Variants in TMEM132B observed in about 807,000 individuals in gnomAD.
TMEM132B encodes transmembrane protein 132B.
In TMEM132B, 18 loss-of-function variants were observed where a neutral mutation model predicts 90.8. The observed-to-expected ratio is 0.20, with a 90% CI of 0.14 to 0.29. The LOEUF (loss-of-function observed/expected upper bound fraction) is 0.29, where lower values mean the gene tolerates loss of function less well. Among genes scored for constraint, TMEM132B ranks in the 10% least tolerant of loss-of-function variants. The probability of loss-of-function intolerance (pLI) is 1.00; values close to 1 mark genes in which losing one functional copy is unlikely to be tolerated. For synonymous variants in TMEM132B, 504 were observed against 523.3 expected, an observed-to-expected ratio of 0.96 and a Z score of 0.50; for missense variants, 1,096 against 1,326.8, an observed-to-expected ratio of 0.83 and a Z score of 2.70.
At chr12:125,371,375 A>G (rs1878287348) in intron 2 of TMEM132B, among the ~76,000 whole-genome samples, 1 of 152,182 alleles carries the variant, frequency 6.6e-6, no homozygotes. Context: ...AGCTGGGAAG[A>G]GACAGGGAGG....
chr12:125,218,007 A>G (rs7980011), intron 1 of TMEM132B, among the ~76,000 whole-genome samples: 7,602 of 152,274 alleles, frequency 0.05, 646 homozygotes, highest in African/African-American at 0.17. Flanking sequence ...GAGGCGGGCC[A>G]ATTTTAAGGG....
chr12:125,651,068 G>T (rs1021779890), intron 7 of TMEM132B, 115 bp downstream of exon 7: 3 of 1,363,584 alleles, frequency 2.2e-6, no homozygotes, highest in Admixed American at 4.1e-5. Context: ...GTATATCAAC[G>T]TGTGTCACTG....
intron 1 of TMEM132B, among the ~76,000 whole-genome samples, chr12:125,280,408 T>G (rs1593066672): frequency 6.6e-6 from 1 of 152,342 alleles, no homozygotes; most frequent in Middle Eastern, 3.4e-3. Flanking sequence ...ACTTAATTGG[T>G]CTTCGCCTTT....
At chr12:125,602,623 G>A (rs1040301207) in intron 5 of TMEM132B, among the ~76,000 whole-genome samples, 5 of 152,252 alleles carry the variant, frequency 3.3e-5, no homozygotes, top group African/African-American at 7.2e-5. Flanking sequence ...GGGCGATCAC[G>A]CAAAAGAAAG....
chr12:125,643,032 T>G (rs1410340444), intron 5 of TMEM132B, among the ~76,000 whole-genome samples: 1 of 152,186 alleles, frequency 6.6e-6, no homozygotes, highest in Non-Finnish European at 1.5e-5. Flanking sequence ...TCTGACATTG[T>G]TCTTGAGCCA....
intron 3 of TMEM132B, among the ~76,000 whole-genome samples, chr12:125,518,698 C>G (rs543959590): frequency 6.6e-6 from 1 of 152,214 alleles, no homozygotes; most frequent in African/African-American, 2.4e-5. Context: ...TCACACTAGT[C>G]TTTTTCAGTT....
At chr12:125,422,215 G>A (rs568864292) in intron 3 of TMEM132B, among the ~76,000 whole-genome samples, 2 of 152,166 alleles carry the variant, frequency 1.3e-5, no homozygotes, top group Non-Finnish European at 2.9e-5. Flanking sequence ...GATATGGAAC[G>A]TTATTATTAT....
At chr12:125,649,268 A>T (rs552692663) in intron 6 of TMEM132B, among the ~76,000 whole-genome samples, 14 of 152,332 alleles carry the variant, frequency 9.2e-5, no homozygotes, top group Admixed American at 2.6e-4. Context: ...CTGTATCCAG[A>T]CCTGCTAATT....
chr12:125,555,974 T>C (rs575711992), intron 4 of TMEM132B, among the ~76,000 whole-genome samples: 48 of 152,372 alleles, frequency 3.2e-4, no homozygotes, highest in Non-Finnish European at 5.9e-4. Context: ...AGCAACCTGC[T>C]GTCTTGGGTG....
At chr12:125,344,411 T>C (rs933620212) in intron 1 of TMEM132B, among the ~76,000 whole-genome samples, 19 of 152,198 alleles carry the variant, frequency 1.2e-4, no homozygotes, top group Admixed American at 2.6e-4. Context: ...TGTCACCTTT[T>C]GGGCTAGAGG....
intron 2 of TMEM132B, among the ~76,000 whole-genome samples, chr12:125,366,680 G>A (rs1412589183): frequency 6.6e-6 from 1 of 152,126 alleles, no homozygotes; most frequent in Non-Finnish European, 1.5e-5. Context: ...GGTTTGTTGT[G>A]TAGTTAAATT....
At chr12:125,326,222 G>A (rs76447649) in intron 1 of TMEM132B, among the ~76,000 whole-genome samples, 3,302 of 152,294 alleles carry the variant, frequency 0.022, 108 homozygotes, top group African/African-American at 0.073. Context: ...CTGGAGAGGC[G>A]ACCAACAAAT....
intron 2 of TMEM132B, among the ~76,000 whole-genome samples, chr12:125,366,450 A>G (rs1878136356): frequency 6.6e-6 from 1 of 152,104 alleles, no homozygotes; most frequent in African/African-American, 2.4e-5. Context: ...TCTTTTTGAT[A>G]GTGCCATTTT....
At chr12:125,289,203 A>G (rs565644956) in intron 1 of TMEM132B, among the ~76,000 whole-genome samples, 1 of 152,254 alleles carries the variant, frequency 6.6e-6, no homozygotes, top group South Asian at 2.1e-4. Context: ...TGCCAAAGGA[A>G]TCTGAAGTAT....
intron 4 of TMEM132B, among the ~76,000 whole-genome samples, chr12:125,525,099 G>A (rs796100359): frequency 5.3e-5 from 8 of 152,216 alleles, no homozygotes; most frequent in African/African-American, 1.7e-4. Flanking sequence ...TTTGGGCTGA[G>A]GGGAGGTGAT....
At chr12:125,380,569 G>A (rs1167957717) in intron 2 of TMEM132B, among the ~76,000 whole-genome samples, 2 of 152,154 alleles carry the variant, frequency 1.3e-5, no homozygotes, top group African/African-American at 2.4e-5. Context: ...AGTGGGGCAC[G>A]TGATCCCAAG....
chr12:125,222,543 G>T (rs1178505818), intron 1 of TMEM132B, among the ~76,000 whole-genome samples: 2 of 152,182 alleles, frequency 1.3e-5, no homozygotes, highest in Middle Eastern at 6.3e-3. Context: ...TTTGTTCTTG[G>T]AACTGCTTCA....
chr12:125,362,070 T>A (rs1430127051), intron 2 of TMEM132B, among the ~76,000 whole-genome samples: 2 of 152,198 alleles, frequency 1.3e-5, no homozygotes, highest in Non-Finnish European at 2.9e-5. Context: ...GTTTTACAGA[T>A]GAAGAAACAG....
chr12:125,565,693 C>G (rs760959628), intron 4 of TMEM132B, among the ~76,000 whole-genome samples: 2 of 152,210 alleles, frequency 1.3e-5, no homozygotes, highest in Non-Finnish European at 2.9e-5. Context: ...CTGCCCCCAG[C>G]TGAACTCCTC....
Sources: gnomAD v4.1 joint callset for allele counts (sites outside exome capture counted in the v4.1 genomes callset) on GRCh38, gnomAD v4.1.1 for gene constraint, MANE v1.5 for transcripts, NCBI Gene and HGNC (gene_info 2026-07-23, HGNC 2026-07-21) for gene names.